CNTNAP2: variants seen among roughly 807,000 people sequenced by gnomAD.
The protein encoded by CNTNAP2 is contactin associated protein 2.
Under a neutral mutation model 155.2 loss-of-function variants are expected in CNTNAP2, and 98 were observed. That is an observed-to-expected ratio of 0.63 (90% CI 0.54 to 0.75). The LOEUF (loss-of-function observed/expected upper bound fraction) is 0.75. CNTNAP2 is among the 30% of genes least tolerant of loss of function. The probability of loss-of-function intolerance (pLI) is 0.00; values close to 1 mark genes in which losing one functional copy is unlikely to be tolerated. For synonymous variants in CNTNAP2, 651 were observed against 631.2 expected (o/e 1.03, Z -0.47); for missense variants, 1,727 against 1,688.1 (o/e 1.02, Z -0.40).
chr7:146,969,202 A>C (rs1797726786), intron 3 of CNTNAP2, among the ~76,000 whole-genome samples: 1 of 152,078 alleles, frequency 6.6e-6, no homozygotes, highest in Non-Finnish European at 1.5e-5. Context: ...CTGATCTTTT[A>C]CATTTGCTGA....
At chr7:148,048,827 G>A (rs1802826448) in intron 15 of CNTNAP2, among the ~76,000 whole-genome samples, 1 of 152,134 alleles carries the variant, frequency 6.6e-6, no homozygotes, top group African/African-American at 2.4e-5. Flanking sequence ...TCAGAGTAGG[G>A]CTGGTTAAGT....
At chr7:146,842,724 C>T (rs1252058833) in intron 3 of CNTNAP2, among the ~76,000 whole-genome samples, 3 of 152,166 alleles carry the variant, frequency 2.0e-5, no homozygotes, top group South Asian at 2.1e-4. Flanking sequence ...CTCGCTCTTT[C>T]GCCCAGGCTG....
At chr7:147,407,829 T>C (rs185049656) in intron 10 of CNTNAP2, among the ~76,000 whole-genome samples, 1 of 152,308 alleles carries the variant, frequency 6.6e-6, no homozygotes, top group East Asian at 1.9e-4. Context: ...AGAAGTAGGT[T>C]GAACTTCAGA....
intron 13 of CNTNAP2, among the ~76,000 whole-genome samples, chr7:147,751,711 C>A (rs773241125): frequency 6.6e-6 from 1 of 152,210 alleles, no homozygotes; most frequent in Admixed American, 6.5e-5. Flanking sequence ...ATATACACAG[C>A]CTATGATAAT....
At chr7:147,255,200 T>C (rs1056506764) in intron 8 of CNTNAP2, among the ~76,000 whole-genome samples, 2 of 152,162 alleles carry the variant, frequency 1.3e-5, no homozygotes, top group Admixed American at 1.3e-4. Flanking sequence ...CACCTATCAA[T>C]GCTGTATTGG....
intron 8 of CNTNAP2, among the ~76,000 whole-genome samples, chr7:147,260,943 T>C (rs1349274908): frequency 6.6e-6 from 1 of 152,210 alleles, no homozygotes; most frequent in Non-Finnish European, 1.5e-5. Flanking sequence ...ATCAGCGTTA[T>C]AATATGTTTT....
chr7:147,982,031 T>C (rs1801540134), intron 15 of CNTNAP2, among the ~76,000 whole-genome samples: 1 of 152,172 alleles, frequency 6.6e-6, no homozygotes, highest in South Asian at 2.1e-4. Context: ...AGGTAGACAT[T>C]GTTTCAAATT....
At chr7:147,901,864 T>G (rs889536706) in intron 13 of CNTNAP2, among the ~76,000 whole-genome samples, 1 of 152,246 alleles carries the variant, frequency 6.6e-6, no homozygotes, top group Non-Finnish European at 1.5e-5. Flanking sequence ...ATTGGATGAA[T>G]GAATGAATGA....
At chr7:146,926,601 C>G (rs1395257429) in intron 3 of CNTNAP2, among the ~76,000 whole-genome samples, 1 of 152,060 alleles carries the variant, frequency 6.6e-6, no homozygotes, top group Non-Finnish European at 1.5e-5. Context: ...GTCTATTACC[C>G]AGGCTTGTGA....
intron 21 of CNTNAP2, among the ~76,000 whole-genome samples, chr7:148,282,774 A>G (rs1796996160): frequency 1.3e-5 from 2 of 152,194 alleles, no homozygotes; most frequent in Non-Finnish European, 2.9e-5. Flanking sequence ...ATTTATTGTT[A>G]AAATGTGATG....
At chr7:146,905,137 G>GC (rs1184956681) in intron 3 of CNTNAP2, among the ~76,000 whole-genome samples, 4 of 151,868 alleles carry the variant, frequency 2.6e-5, no homozygotes, top group African/African-American at 9.7e-5. Context: ...GCCTACCTCC[G>GC]CCCCTACTCA....
intron 2 of CNTNAP2, among the ~76,000 whole-genome samples, chr7:146,792,269 A>G (rs1802688427): frequency 7.4e-6 from 1 of 134,296 alleles, no homozygotes; most frequent in Admixed American, 7.0e-5. Context: ...AGAAAAAGCT[A>G]AAAAAAAAAC....
chr7:147,506,547 G>A (rs10952690), intron 11 of CNTNAP2, among the ~76,000 whole-genome samples: 62,407 of 151,974 alleles, frequency 0.41, 13,453 homozygotes, highest in African/African-American at 0.48. Context: ...GAGCCACCAC[G>A]CCTGGCCCAA....
chr7:146,305,393 T>G (rs940759573), intron 1 of CNTNAP2, among the ~76,000 whole-genome samples: 4 of 152,130 alleles, frequency 2.6e-5, no homozygotes, highest in African/African-American at 9.7e-5. Flanking sequence ...CTCTGGTTTC[T>G]CCCCATCTTT....
intron 4 of CNTNAP2, among the ~76,000 whole-genome samples, chr7:147,076,043 TG>T (rs1421813190): frequency 1.3e-5 from 2 of 152,192 alleles, no homozygotes; most frequent in African/African-American, 2.4e-5. Context: ...GATGGACATT[TG>T]GGTTGGTTCC....
intron 10 of CNTNAP2, among the ~76,000 whole-genome samples, chr7:147,417,180 C>A (rs1479204429): frequency 1.3e-5 from 2 of 151,904 alleles, no homozygotes; most frequent in African/African-American, 4.8e-5. Flanking sequence ...GGTTATGTAT[C>A]ACAGAGGCTT....
rs558640630 is a variant in CNTNAP2, at chr7:148,046,221, C to T, written c.2383+68232C>T. Among the ~76,000 whole-genome samples, 7 of 152,300 alleles carry T rather than the reference C, an allele frequency of 4.6e-5. No homozygotes were observed. The East Asian group carries it at 1.2e-3, about 25-fold the overall frequency. On this transcript the variant is annotated intron_variant, in intron 15 of 23. Coordinates refer to ENST00000361727, the MANE Select transcript of CNTNAP2 (RefSeq NM_014141.6). ...TCAGCCTTCCAAAGTGCTGGGATTA[C>T]ACTCGTGAGCCATTGTGCCCAGCCA... is the stretch of plus-strand genomic sequence containing the variant.
intron 21 of CNTNAP2, among the ~76,000 whole-genome samples, chr7:148,301,306 A>ATATATATATAT (rs1554414674): frequency 1.0e-3 from 109 of 103,836 alleles, no homozygotes; most frequent in African/African-American, 3.9e-3. Flanking sequence ...AAAAAAAAAA[A>ATATATATATAT]ATATATATAT....
chr7:148,206,664 A>G lies in CNTNAP2; in HGVS notation c.3011-10624A>G, dbSNP rs578030632. Among the ~76,000 whole-genome samples, 6 of 152,346 alleles carry G rather than the reference A, an allele frequency of 3.9e-5. No homozygotes were observed. In the South Asian group the frequency reaches 8.3e-4, roughly 21 times the overall value. ...TCTGAGAAAATGCTGAAATATGCCAATAGGCAGGCCTCTCCCCAGACAATC... is the reference window on the plus strand; with the variant it reads ...TCTGAGAAAATGCTGAAATATGCCAGTAGGCAGGCCTCTCCCCAGACAATC... On this transcript the variant is annotated intron_variant, in intron 18 of 23. Transcript: ENST00000361727.
Sources: allele counts gnomAD v4.1 joint callset (sites outside exome capture counted in the v4.1 genomes callset), GRCh38; gene constraint gnomAD v4.1.1; transcripts MANE v1.5; gene names NCBI Gene and HGNC (gene_info 2026-07-23, HGNC 2026-07-21).